MID1: variants seen among roughly 807,000 people sequenced by gnomAD.
MID1 encodes midline 1.
Under a neutral mutation model 40.4 loss-of-function variants are expected in MID1, and 7 were observed. That is an observed-to-expected ratio of 0.17 (90% CI 0.10 to 0.33). The LOEUF (loss-of-function observed/expected upper bound fraction) is 0.33. Ranked by LOEUF, MID1 falls within the 10% of genes least tolerant of loss-of-function variation. MID1 has a pLI of 1.00. For missense variants in MID1, 367 were observed against 558.5 expected, an observed-to-expected ratio of 0.66 and a Z score of 3.46; for synonymous variants, 229 against 221.2, an observed-to-expected ratio of 1.04 and a Z score of -0.31.
chrX:10,699,755 G>T (rs911693457), intron 1 of MID1, among the ~76,000 whole-genome samples: 1 of 111,466 alleles, frequency 9.0e-6, no homozygotes, highest in African/African-American at 3.3e-5. Context: ...GCACTGTCTA[G>T]ATCTTTTTAC....
chrX:10,808,914 A>T (rs2044069408), intron 1 of MID1, among the ~76,000 whole-genome samples: 1 of 112,242 alleles, frequency 8.9e-6, no homozygotes, highest in African/African-American at 3.2e-5. Context: ...AACAAAAGCC[A>T]AAATTGACAA....
intron 8 of MID1, among the ~76,000 whole-genome samples, chrX:10,456,539 TATCAA>T (rs910629143): frequency 6.2e-5 from 7 of 112,717 alleles, no homozygotes; most frequent in Non-Finnish European, 1.1e-4. Flanking sequence ...TTTCTGTACA[TATCAA>T]AGAAAAGCTT....
At chrX:10,513,915 A>G (rs889280088) in intron 3 of MID1, among the ~76,000 whole-genome samples, 3 of 112,143 alleles carry the variant, frequency 2.7e-5, no homozygotes, top group African/African-American at 9.7e-5. Context: ...AAATATTTCC[A>G]GGTAAAGAAG....
chrX:10,784,994 G>T (rs1412468752), intron 1 of MID1, among the ~76,000 whole-genome samples: 1 of 110,303 alleles, frequency 9.1e-6, no homozygotes, highest in Non-Finnish European at 1.9e-5. Flanking sequence ...GGCAGAAGAG[G>T]GTATTCAATT....
At chrX:10,699,631 G>A (rs951764389) in intron 1 of MID1, among the ~76,000 whole-genome samples, 61 of 111,466 alleles carry the variant, frequency 5.5e-4, no homozygotes, top group African/African-American at 1.9e-3. Context: ...TAATTATGTT[G>A]TACTTCTTGC....
intron 1 of MID1, among the ~76,000 whole-genome samples, chrX:10,751,604 C>T (rs370251255): frequency 1.7e-4 from 19 of 112,066 alleles, no homozygotes; most frequent in Non-Finnish European, 2.8e-4. Context: ...GCACTACAGC[C>T]TGGGTGACAG....
intron 3 of MID1, among the ~76,000 whole-genome samples, chrX:10,509,240 TGA>T (rs953922564): frequency 9.0e-6 from 1 of 111,230 alleles, no homozygotes; most frequent in African/African-American, 3.3e-5. Flanking sequence ...GAAGTTGTGG[TGA>T]GTTTGTGAGT....
At chrX:10,568,617 C>A (rs932418484) in intron 1 of MID1, among the ~76,000 whole-genome samples, 2 of 111,083 alleles carry the variant, frequency 1.8e-5, no homozygotes, top group Admixed American at 9.5e-5. Context: ...CAGCCTCACA[C>A]TCAGAGCTAT....
At chrX:10,699,789 CT>C (rs1300287547) in intron 1 of MID1, among the ~76,000 whole-genome samples, 1 of 110,448 alleles carries the variant, frequency 9.1e-6, no homozygotes, top group East Asian at 2.8e-4. Flanking sequence ...TAGATAGACA[CT>C]TGTATGTAGA....
At chrX:10,741,431 C>T (rs12009179) in intron 1 of MID1, among the ~76,000 whole-genome samples, 11,389 of 108,626 alleles carry the variant, frequency 0.1, 1,486 homozygotes, top group African/African-American at 0.36. Context: ...GATAACAACA[C>T]AGGACGAGGG....
intron 1 of MID1, among the ~76,000 whole-genome samples, chrX:10,820,769 A>C (rs1462127478): frequency 8.9e-6 from 1 of 111,975 alleles, no homozygotes; most frequent in Non-Finnish European, 1.9e-5. Flanking sequence ...ACTTTGAGTC[A>C]ACAACTTGTA....
chrX:10,581,409 C>T (rs1230301973), intron 1 of MID1, among the ~76,000 whole-genome samples: 3 of 112,196 alleles, frequency 2.7e-5, no homozygotes, highest in Non-Finnish European at 5.6e-5. Flanking sequence ...CACAGATGCT[C>T]TTCCTATCTT....
chrX:10,487,929 T>C (rs183793974), intron 4 of MID1, among the ~76,000 whole-genome samples: 2 of 110,959 alleles, frequency 1.8e-5, no homozygotes. Context: ...TTTGGGCCAT[T>C]TCTAGTTTGG....
At chrX:10,586,648 A>G (rs972828700) in intron 1 of MID1, among the ~76,000 whole-genome samples, 1 of 112,366 alleles carries the variant, frequency 8.9e-6, no homozygotes, top group Non-Finnish European at 1.9e-5. Context: ...GGTATTTATT[A>G]AAGTCACCAC....
chrX:10,578,121 C>T (rs1329349981), intron 1 of MID1, among the ~76,000 whole-genome samples: 1 of 112,668 alleles, frequency 8.9e-6, no homozygotes, highest in Non-Finnish European at 1.9e-5. Flanking sequence ...GCATGCTTCA[C>T]ATGTTAGGAC....
chrX:10,484,977 TAA>T (rs757940082), intron 4 of MID1, among the ~76,000 whole-genome samples: 1 of 102,006 alleles, frequency 9.8e-6, no homozygotes. Context: ...CGGGTTACAG[TAA>T]AAAAAAAAAG....
intron 1 of MID1, among the ~76,000 whole-genome samples, chrX:10,791,360 G>C (rs1352788040): frequency 8.9e-6 from 1 of 112,055 alleles, no homozygotes; most frequent in Non-Finnish European, 1.9e-5. Flanking sequence ...AAGGGGGAAG[G>C]TTTACAAGGG....
intron 1 of MID1, among the ~76,000 whole-genome samples, chrX:10,615,165 T>C (rs1243799772): frequency 1.8e-5 from 2 of 111,582 alleles, no homozygotes; most frequent in East Asian, 5.6e-4. Context: ...GTTTTTCAAG[T>C]GGATCCCTAC....
At chrX:10,613,724 TATATATATAGAGAG>T (rs1330785898) in intron 1 of MID1, among the ~76,000 whole-genome samples, 15 of 54,527 alleles carry the variant, frequency 2.8e-4, no homozygotes, top group Non-Finnish European at 4.4e-4. Context: ...TATATATATA[TATATATATAGAGAG>T]AGAGAGAGAG....
Sources: gnomAD v4.1 joint callset for allele counts (sites outside exome capture counted in the v4.1 genomes callset) on GRCh38, gnomAD v4.1.1 for gene constraint, MANE v1.5 for transcripts, NCBI Gene and HGNC (gene_info 2026-07-23, HGNC 2026-07-21) for gene names.